Variants in ADGRL3 observed in about 807,000 individuals in gnomAD.
ADGRL3 encodes adhesion G protein-coupled receptor L3, also known as calcium-independent alpha-latrotoxin receptor 3.
A neutral mutation model predicts 153.5 loss-of-function variants in ADGRL3; 62 were observed. The ratio of observed to expected loss-of-function variants is 0.40; its 90% CI spans 0.33 to 0.50. The LOEUF (loss-of-function observed/expected upper bound fraction) is 0.50, where lower values mean the gene tolerates loss of function less well. ADGRL3 is among the 20% of genes least tolerant of loss of function. The pLI, the probability that ADGRL3 is intolerant of heterozygous loss-of-function variation, is 0.47. For missense variants in ADGRL3, 1,641 were observed against 1,859.4 expected (o/e 0.88, Z 2.16); for synonymous variants, 710 against 672.5 (o/e 1.06, Z -0.86).
chr4:61,489,856 T>C (rs1047378802), intron 2 of ADGRL3, among the ~76,000 whole-genome samples: 2 of 152,056 alleles, frequency 1.3e-5, no homozygotes, highest in Non-Finnish European at 1.5e-5. Flanking sequence ...GCTGTAAATA[T>C]TTACCCCCAC....
intron 21 of ADGRL3, among the ~76,000 whole-genome samples, chr4:62,011,862 C>T (rs1008317214): frequency 3.9e-5 from 6 of 152,000 alleles, no homozygotes; most frequent in African/African-American, 1.4e-4. Flanking sequence ...AACATGAAAT[C>T]TCTTTGATAA....
intron 17 of ADGRL3, among the ~76,000 whole-genome samples, chr4:61,963,101 C>CA (rs1204685129): frequency 1.8e-4 from 27 of 151,764 alleles, no homozygotes; most frequent in African/African-American, 6.5e-4. Context: ...ATGAGAGACA[C>CA]AATTATGATA....
chr4:61,617,623 G>C (rs1365717745), intron 5 of ADGRL3, among the ~76,000 whole-genome samples: 2 of 152,180 alleles, frequency 1.3e-5, no homozygotes, highest in African/African-American at 4.8e-5. Context: ...TGCTCCACAT[G>C]TATAAAATGG....
intron 2 of ADGRL3, among the ~76,000 whole-genome samples, chr4:61,408,828 T>C (rs963850306): frequency 9.2e-5 from 14 of 152,114 alleles, no homozygotes; most frequent in African/African-American, 3.4e-4. Context: ...GTATTTGTGT[T>C]GCCTCTTGCT....
At chr4:61,783,146 A>G (rs1284394124) in intron 8 of ADGRL3, among the ~76,000 whole-genome samples, 2 of 152,116 alleles carry the variant, frequency 1.3e-5, no homozygotes, top group Admixed American at 6.6e-5. Flanking sequence ...TGTGGCATCA[A>G]TTTTGCCTGA....
intron 17 of ADGRL3, among the ~76,000 whole-genome samples, chr4:61,955,117 T>C (rs1453780293): frequency 6.6e-6 from 1 of 152,166 alleles, no homozygotes; most frequent in Non-Finnish European, 1.5e-5. Context: ...TTAGCGTAGG[T>C]GTTTTTTGTT....
intron 1 of ADGRL3, among the ~76,000 whole-genome samples, chr4:61,347,488 A>C (rs1011497065): frequency 3.3e-5 from 5 of 152,128 alleles, no homozygotes; most frequent in African/African-American, 1.2e-4. Context: ...CTATAGTCCT[A>C]CAGTATGATG....
At position 61,743,904 on chromosome 4, in the gene ADGRL3, C is replaced by T. The variant is rs146023466; in HGVS notation, c.1399+10350C>T. ...ACACCGTGTGCGAGCCGAAGCAGGG[C>T]GACGCATTGCCTCACTCGGGAAGTG... On this transcript the variant is annotated intron_variant, in intron 8 of 26. Transcript: ENST00000683033. Among the ~76,000 whole-genome samples the T allele has an allele frequency of 9.3e-3, 1,417 of 152,252 alleles. 12 individuals carry two copies. Among genetic ancestry groups the T allele is most frequent in the Middle Eastern group, 0.017 (5 of 294 alleles).
At chr4:61,979,993 C>G (rs967861021) in intron 18 of ADGRL3, among the ~76,000 whole-genome samples, 1 of 152,140 alleles carries the variant, frequency 6.6e-6, no homozygotes, top group Non-Finnish European at 1.5e-5. Flanking sequence ...TTTAAATAGA[C>G]TTTTGTTTTT....
At chr4:61,722,699 C>G (rs1196291729) in intron 6 of ADGRL3, among the ~76,000 whole-genome samples, 2 of 151,974 alleles carry the variant, frequency 1.3e-5, no homozygotes, top group Admixed American at 1.3e-4. Flanking sequence ...AACTGAAGCC[C>G]TTAGAAGATA....
At position 61,872,355 on chromosome 4, in the gene ADGRL3, A is replaced by G. The variant is rs564581658; in HGVS notation, c.1481-20301A>G. Among the ~76,000 whole-genome samples the G allele has an allele frequency of 1.1e-4, 17 of 152,152 alleles. No homozygotes were observed. In the East Asian group the frequency reaches 3.3e-3, roughly 29 times the overall value. ...ATAGTCATGTTGCATTAGTGGCAGC[A>G]GAGAATAATGCCTGCCAACATACCA... On this transcript the variant is annotated intron_variant, in intron 9 of 26. Transcript: ENST00000683033.
At chr4:61,802,965 G>C (rs2097516689) in intron 8 of ADGRL3, among the ~76,000 whole-genome samples, 2 of 152,114 alleles carry the variant, frequency 1.3e-5, no homozygotes, top group South Asian at 4.1e-4. Flanking sequence ...ATATCTATCA[G>C]ATACTGTTTC....
intron 4 of ADGRL3, among the ~76,000 whole-genome samples, chr4:61,543,081 ATTTGT>A (rs944839643): frequency 6.6e-6 from 1 of 151,896 alleles, no homozygotes; most frequent in African/African-American, 2.4e-5. Context: ...CTTGTTCAGT[ATTTGT>A]TTTATGTATT....
At chr4:61,949,954 A>G (rs1219803889) in intron 17 of ADGRL3, among the ~76,000 whole-genome samples, 2 of 152,146 alleles carry the variant, frequency 1.3e-5, no homozygotes, top group Non-Finnish European at 2.9e-5. Context: ...TATCTGGTAC[A>G]TATTTCATTG....
intron 19 of ADGRL3, among the ~76,000 whole-genome samples, chr4:61,987,059 A>G (rs2150926225): frequency 6.6e-6 from 1 of 151,868 alleles, no homozygotes; most frequent in Non-Finnish European, 1.5e-5. Context: ...CTTGTTTCCT[A>G]TCGTCGAGAC....
At chr4:61,392,963 C>G (rs1409644746) in intron 2 of ADGRL3, among the ~76,000 whole-genome samples, 1 of 151,922 alleles carries the variant, frequency 6.6e-6, no homozygotes, top group Admixed American at 6.6e-5. Flanking sequence ...CAAAGTTTCT[C>G]TATCTATCTA....
intron 13 of ADGRL3, among the ~76,000 whole-genome samples, chr4:61,917,514 A>C (rs2098750304): frequency 6.6e-6 from 1 of 152,200 alleles, no homozygotes. Flanking sequence ...AGATATAGTA[A>C]CTATGTTAAA....
At chr4:61,711,434 TA>T (rs1416310871) in intron 6 of ADGRL3, among the ~76,000 whole-genome samples, 2 of 115,302 alleles carry the variant, frequency 1.7e-5, no homozygotes, top group Non-Finnish European at 3.4e-5. Context: ...AACCTAACAA[TA>T]CTATCTTAAA....
intron 2 of ADGRL3, among the ~76,000 whole-genome samples, chr4:61,482,540 C>A (rs2098142118): frequency 6.6e-6 from 1 of 152,134 alleles, no homozygotes; most frequent in African/African-American, 2.4e-5. Flanking sequence ...AATCACCACT[C>A]TTCCGAGAAA....
Sources: gnomAD v4.1 joint callset for allele counts (sites outside exome capture counted in the v4.1 genomes callset) on GRCh38, gnomAD v4.1.1 for gene constraint, MANE v1.5 for transcripts, NCBI Gene and HGNC (gene_info 2026-07-23, HGNC 2026-07-21) for gene names.